The following FGF14 variants were observed in gnomAD, a reference collection of about 807,000 sequenced individuals.
FGF14 encodes the protein fibroblast growth factor 14.
FGF14 carries 5 observed loss-of-function variants against 25.5 expected under a neutral mutation model. That is an observed-to-expected ratio of 0.20 (90% confidence interval 0.10 to 0.41). The LOEUF (loss-of-function observed/expected upper bound fraction) is 0.41, where lower values mean the gene tolerates loss of function less well. Ranked by LOEUF, FGF14 falls within the 10% of genes least tolerant of loss-of-function variation. FGF14 has a pLI of 1.00. For missense variants in FGF14, 222 were observed against 320.1 expected (o/e 0.69, Z 2.34); for synonymous variants, 138 against 118.3 (o/e 1.17, Z -1.08).
chr13:102,044,041 T>C (rs2041866122), intron 1 of FGF14, among the ~76,000 whole-genome samples: 1 of 152,216 alleles, frequency 6.6e-6, no homozygotes, highest in South Asian at 2.1e-4. Context: ...TGAATGCCAA[T>C]GCCCAAAGTA....
chr13:102,110,189 T>C (rs9518635), intron 1 of FGF14, among the ~76,000 whole-genome samples: 59,217 of 152,096 alleles, frequency 0.39, 13,670 homozygotes, highest in Non-Finnish European at 0.52. Context: ...AGAGCTTTAA[T>C]GTGATGAGAT....
intron 1 of FGF14, among the ~76,000 whole-genome samples, chr13:102,322,136 A>C (rs1478903339): frequency 6.6e-6 from 1 of 152,206 alleles, no homozygotes; most frequent in African/African-American, 2.4e-5. Context: ...GGAAGAGCTT[A>C]AGCATTGCTT....
intron 1 of FGF14, among the ~76,000 whole-genome samples, chr13:102,129,258 G>A (rs193224669): frequency 0.02 from 2,943 of 149,036 alleles, 94 homozygotes; most frequent in African/African-American, 0.07. Context: ...TCAAAAAAAA[G>A]AAAGAAAGAA....
intron 1 of FGF14, among the ~76,000 whole-genome samples, chr13:102,057,165 AT>A (rs1159180419): frequency 1.3e-5 from 2 of 152,116 alleles, no homozygotes; most frequent in Non-Finnish European, 2.9e-5. Context: ...TAAACTATGA[AT>A]TTTTTAATCA....
intron 1 of FGF14, among the ~76,000 whole-genome samples, chr13:101,983,354 T>C (rs990214540): frequency 2.6e-5 from 4 of 152,184 alleles, no homozygotes; most frequent in African/African-American, 9.6e-5. Flanking sequence ...ACATATTCTA[T>C]TCGTTTACTA....
intron 3 of FGF14, among the ~76,000 whole-genome samples, chr13:101,839,664 TATTG>T (rs1286731015): frequency 6.6e-6 from 1 of 152,026 alleles, no homozygotes; most frequent in African/African-American, 2.4e-5. Flanking sequence ...AGAGTTTCCT[TATTG>T]ATTATGTCTA....
chr13:101,746,071 A>T (rs2036869398), intron 3 of FGF14, among the ~76,000 whole-genome samples: 2 of 152,078 alleles, frequency 1.3e-5, no homozygotes, highest in African/African-American at 2.4e-5. Flanking sequence ...TATGGTATTT[A>T]GATGTTACAG....
At chr13:102,114,106 C>G (rs751849975) in intron 1 of FGF14, among the ~76,000 whole-genome samples, 2 of 152,198 alleles carry the variant, frequency 1.3e-5, no homozygotes, top group Non-Finnish European at 2.9e-5. Flanking sequence ...TGCAAATAAT[C>G]TAGTCCAAGG....
At chr13:102,174,332 T>TA (rs397714444) in intron 1 of FGF14, among the ~76,000 whole-genome samples, 1 of 148,876 alleles carries the variant, frequency 6.7e-6, no homozygotes. Flanking sequence ...TTTTTTTTTT[T>TA]ATTTTTGTAT....
chr13:102,063,502 G>A (rs1317116804), intron 1 of FGF14, among the ~76,000 whole-genome samples: 1 of 151,962 alleles, frequency 6.6e-6, no homozygotes, highest in Admixed American at 6.6e-5. Flanking sequence ...TGTAATCTCA[G>A]CTACTTGGGA....
chr13:102,272,012 A>G (rs2053270467), intron 1 of FGF14, among the ~76,000 whole-genome samples: 1 of 152,126 alleles, frequency 6.6e-6, no homozygotes, highest in Non-Finnish European at 1.5e-5. Flanking sequence ...AATGGCTTCC[A>G]GTTGCAAAAA....
intron 1 of FGF14, among the ~76,000 whole-genome samples, chr13:102,044,733 C>T (rs569145907): frequency 1.3e-5 from 2 of 152,270 alleles, no homozygotes; most frequent in South Asian, 4.1e-4. Flanking sequence ...TTACCTTCCA[C>T]CATCCTCCAC....
At chr13:102,205,648 T>C (rs572980696) in intron 1 of FGF14, among the ~76,000 whole-genome samples, 3 of 150,306 alleles carry the variant, frequency 2.0e-5, no homozygotes, top group African/African-American at 4.9e-5. Context: ...AAATGGGAGA[T>C]GCTAGACTGG....
At chr13:101,941,436 T>G (rs1176374889) in intron 1 of FGF14, among the ~76,000 whole-genome samples, 2 of 152,234 alleles carry the variant, frequency 1.3e-5, no homozygotes, top group Non-Finnish European at 2.9e-5. Flanking sequence ...TAGTGACTTT[T>G]TCTTCCTATA....
At chr13:102,385,933 A>C (rs1566978595) in intron 1 of FGF14, among the ~76,000 whole-genome samples, 1 of 152,162 alleles carries the variant, frequency 6.6e-6, no homozygotes, top group Non-Finnish European at 1.5e-5. Context: ...AAATACAGCA[A>C]TTTTGCCATA....
upstream of FGF14, among the ~76,000 whole-genome samples, chr13:101,920,135 C>T (rs911073689): frequency 3.9e-5 from 6 of 152,160 alleles, no homozygotes; most frequent in Non-Finnish European, 8.8e-5. Context: ...CTGTCTTAAG[C>T]TGTGATAAAA....
At chr13:101,780,160 T>A (rs1411776475) in intron 3 of FGF14, among the ~76,000 whole-genome samples, 1 of 152,190 alleles carries the variant, frequency 6.6e-6, no homozygotes, top group Non-Finnish European at 1.5e-5. Flanking sequence ...AAAGTTGAGA[T>A]ATGGCTAAAA....
chr13:101,784,277 C>T (rs972557631), intron 3 of FGF14, among the ~76,000 whole-genome samples: 1 of 152,148 alleles, frequency 6.6e-6, no homozygotes, highest in Non-Finnish European at 1.5e-5. Flanking sequence ...CTGATCTTAA[C>T]TTCTATTATT....
intron 1 of FGF14, among the ~76,000 whole-genome samples, chr13:102,065,576 C>T (rs1190083200): frequency 6.6e-6 from 1 of 152,078 alleles, no homozygotes; most frequent in East Asian, 1.9e-4. Context: ...TATAAGCATA[C>T]ATATAGTAGC....
Sources: gnomAD v4.1 joint callset for allele counts (sites outside exome capture counted in the v4.1 genomes callset) on GRCh38, gnomAD v4.1.1 for gene constraint, MANE v1.5 for transcripts, NCBI Gene and HGNC (gene_info 2026-07-23, HGNC 2026-07-21) for gene names.